Variants in KRT85 observed in about 807,000 individuals in gnomAD.
The protein encoded by KRT85 is keratin 85.
In KRT85, 39 loss-of-function variants were observed where a neutral mutation model predicts 53.7. The observed-to-expected ratio is 0.73, with a 90% CI of 0.56 to 0.95. The LOEUF is 0.95. KRT85 is among the 40% of genes least tolerant of loss of function. The pLI is 0.00. For synonymous variants in KRT85, 291 were observed against 277.5 expected, an observed-to-expected ratio of 1.05 and a Z score of -0.48; for missense variants, 668 against 686.0, an observed-to-expected ratio of 0.97 and a Z score of 0.29.
At position 52,363,172 on chromosome 12, in the gene KRT85, G is replaced by A. The variant is rs1263502144; in HGVS notation, c.951+74C>T. ...CATGGGTCAGAATCCCCAGGCAAGA[G>A]AAATCTTTTCTAATAGATGCCTAAC... On this transcript the variant is annotated intron_variant, in intron 5 of 8. Transcript: ENST00000257901. 18 of 1,596,278 alleles carry A rather than the reference G, an allele frequency of 1.1e-5. No individual in the cohort carries two copies. The Admixed American group carries it at 3.1e-4, about 27-fold the overall frequency.
At chr12:52,364,018 T>G (rs1434249437) in intron 4 of KRT85, 50 bp downstream of exon 4, 3 of 1,435,256 alleles carry the variant, frequency 2.1e-6, no homozygotes, top group African/African-American at 2.8e-5. Context: ...CTCCCCTGTC[T>G]CCAAAACACC....
chr12:52,365,262 T>A (rs1331422496), intron 1 of KRT85, 92 bp from the exon 2 acceptor site: 3 of 1,354,852 alleles, frequency 2.2e-6, no homozygotes, highest in South Asian at 1.2e-5. Flanking sequence ...GCTGGCTGAA[T>A]GGGCTGAGCC....
intron 7 of KRT85, 83 bp from the exon 8 acceptor site, chr12:52,361,581 C>A: frequency 1.5e-6 from 2 of 1,294,362 alleles, no homozygotes; most frequent in South Asian, 2.4e-5. Context: ...CAGAGAGGGT[C>A]ATCCTGTGTA....
chr12:52,363,083 C>T, intron 5 of KRT85, 104 bp from the exon 6 acceptor site: 2 of 1,579,966 alleles, frequency 1.3e-6, no homozygotes, highest in Non-Finnish European at 1.7e-6. Flanking sequence ...CCTGTGCAAC[C>T]ACACATGGCA....
rs1302834320 is a variant in KRT85 at position 52,362,424 on chromosome 12, C to T, written c.1125G>A (p.Glu375=). ...TGCAGCGGGCATCGCTGAGGGCCGC[C>T]TCACCCTGCTGCTCTGCCTCAGCCA... is the stretch of plus-strand genomic sequence containing the variant. ...AAVAEAEQQG[E]AALSDARCKL... is the part of the protein sequence containing the mutation. The change falls in exon 7 of 9, where the codon GAG becomes GAA. Residue 375 remains glutamate (E), a synonymous_variant. Coordinates refer to ENST00000257901, the MANE Select transcript of KRT85 (RefSeq NM_002283.4). The T allele has an allele frequency of 3.1e-6, 5 of 1,614,144 alleles. No individual in the cohort carries two copies. Among genetic ancestry groups the T allele is most frequent in the Non-Finnish European group, 3.4e-6 (4 of 1,180,016 alleles).
intron 4 of KRT85, 114 bp from the exon 5 acceptor site, chr12:52,363,524 G>T: frequency 1.7e-6 from 2 of 1,143,394 alleles, no homozygotes; most frequent in South Asian, 1.3e-5. Context: ...AAGGTTACAT[G>T]ACTCCTGCTC....
In KRT85 at chr12:52,363,245, C is replaced by A; in HGVS notation, c.951+1G>T. The stretch of plus-strand genomic sequence containing the variant: ...GCAGGCAGGTGTCCTGTGCCACTCA[C>A]CTTGCTACGGTACCAGGACTCAGCC... On this transcript the variant is annotated splice_donor_variant, in intron 5 of 8. Transcript: ENST00000257901. LOFTEE classifies it high-confidence loss of function. 3 of 1,614,216 alleles carry A rather than the reference C, an allele frequency of 1.9e-6. No homozygotes were observed. In the South Asian group the frequency reaches 3.3e-5, roughly 18 times the overall value.
At chr12:52,364,930 T>TC in intron 2 of KRT85, 32 bp downstream of exon 2, 1 of 1,612,134 alleles carries the variant, frequency 6.2e-7, no homozygotes, top group South Asian at 1.1e-5. Context: ...TCTCTGAGTT[T>TC]CCCCTGAGTC....
At chr12:52,366,759 CAT>C (rs949995969) in intron 1 of KRT85, among the ~76,000 whole-genome samples, 2 of 152,202 alleles carry the variant, frequency 1.3e-5, no homozygotes, top group African/African-American at 4.8e-5. Flanking sequence ...CACACACACA[CAT>C]GCACACACTT....
At chr12:52,366,483 C>A (rs914464887) in intron 1 of KRT85, among the ~76,000 whole-genome samples, 12 of 152,216 alleles carry the variant, frequency 7.9e-5, no homozygotes, top group Admixed American at 3.9e-4. Flanking sequence ...AGCCCCTTCA[C>A]GGGCTGCCTG....
In KRT85 at chr12:52,364,948, C is replaced by T. The variant is rs1278329282; in HGVS notation, c.629+14G>A. 2.5e-6 allele frequency: 4 copies of T among 1,612,250 alleles called. No homozygotes were observed. The highest frequency in any genetic ancestry group is 3.4e-6 in the Non-Finnish European group (4 of 1,179,902). On this transcript the variant is annotated intron_variant, in intron 2 of 8. Coordinates refer to ENST00000257901, the MANE Select transcript of KRT85 (RefSeq NM_002283.4). ...CTGAGTTTCCCCTGAGTCCCCCCAGCTTGCTGCACTCACTTCTTCTTGTAG... is the reference window on the plus strand; with the variant it reads ...CTGAGTTTCCCCTGAGTCCCCCCAGTTTGCTGCACTCACTTCTTCTTGTAG...
rs61731778 is a variant in KRT85, at chr12:52,363,273, G to T, written c.924C>A (p.Ala308=). The change falls in exon 5 of 9, where the codon GCC becomes GCA. Residue 308 remains alanine (A), a synonymous_variant. Coordinates refer to ENST00000257901, the MANE Select transcript of KRT85 (RefSeq NM_002283.4). ...QYDDVASRSR[A]EAESWYRSKC... ...TGCTACGGTACCAGGACTCAGCCTC[G>T]GCCCGGCTGCGGCTGGCAACATCGT... is the stretch of plus-strand genomic sequence containing the variant. 5.6e-4 allele frequency: 904 copies of T among 1,614,152 alleles called. 3 individuals carry two copies. The African/African-American group carries it at 0.011, about 19-fold the overall frequency.
chr12:52,364,440 C>T, intron 2 of KRT85, 74 bp from the exon 3 acceptor site: 1 of 1,613,324 alleles, frequency 6.2e-7, no homozygotes, highest in Middle Eastern at 1.6e-4. Flanking sequence ...TGGGCAAGTT[C>T]TTCCGGGGAT....
At chr12:52,363,808 C>T (rs1939231083) in intron 4 of KRT85, among the ~76,000 whole-genome samples, 1 of 152,312 alleles carries the variant, frequency 6.6e-6, no homozygotes, top group Middle Eastern at 3.4e-3. Flanking sequence ...TAGACTGGCA[C>T]TCACACAGGC....
chr12:52,363,831 T>C (rs571713967), intron 4 of KRT85, among the ~76,000 whole-genome samples: 1 of 152,136 alleles, frequency 6.6e-6, no homozygotes, highest in African/African-American at 2.4e-5. Flanking sequence ...CACACCAACA[T>C]GCAGAGAGGT....
At position 52,362,412 on chromosome 12, in the gene KRT85, G is replaced by A. The variant is rs540080340; in HGVS notation, c.1137C>T (p.Ser379=). The A allele has an allele frequency of 2.6e-5, 42 of 1,614,136 alleles. No individual in the cohort carries two copies. The highest frequency in any genetic ancestry group is 1.7e-4 in the Middle Eastern group (1 of 6,060). ...GCTCAGCCAGCTTGCAGCGGGCATCGCTGAGGGCCGCCTCACCCTGCTGCT... is the reference window on the plus strand; with the variant it reads ...GCTCAGCCAGCTTGCAGCGGGCATCACTGAGGGCCGCCTCACCCTGCTGCT... ...EAEQQGEAAL[S]DARCKLAELE... The change falls in exon 7 of 9, where the codon AGC becomes AGT. Residue 379 remains serine, a synonymous_variant. Coordinates refer to ENST00000257901, the MANE Select transcript of KRT85 (RefSeq NM_002283.4).
Position 52,367,309 on chromosome 12 carries a change from AG to A in KRT85, c.96del (p.Cys33AlafsTer16). On this transcript the variant is annotated frameshift_variant, in exon 1 of 9. Transcript: ENST00000257901. LOFTEE classifies it high-confidence loss of function. ...SAVAPKTGNR[C>X]CISAAPYRGV... ...CCTCGGTAGGGGGCGGCGCTGATGC[AG>A]CAGCGGTTGCCAGTTTTGGGGGCCA... 1 of 1,613,854 alleles carries A rather than the reference AG, an allele frequency of 6.2e-7. No individual in the cohort carries two copies. The highest frequency in any genetic ancestry group is 1.7e-5 in the Admixed American group (1 of 60,018).
In KRT85 at chr12:52,366,978, T is replaced by G; in HGVS notation, c.420+8A>C. ...AGGCTTCTCTGGGCCGTCTCAGGCCTCACCCACCTTGTCGATGAAGGCCGC... is the reference window on the plus strand; with the variant it reads ...AGGCTTCTCTGGGCCGTCTCAGGCCGCACCCACCTTGTCGATGAAGGCCGC... On this transcript the variant is annotated splice_region_variant and intron_variant, in intron 1 of 8. Transcript: ENST00000257901. The G allele has an allele frequency of 6.2e-7, 1 of 1,614,010 alleles. No homozygotes were observed. The highest frequency in any genetic ancestry group is 8.5e-7 in the Non-Finnish European group (1 of 1,179,874).
chr12:52,360,691 G>T lies in KRT85; in HGVS notation c.*162C>A. The T allele has an allele frequency of 1.3e-6, 1 of 761,650 alleles. No individual in the cohort carries two copies. The highest frequency in any genetic ancestry group is 2.2e-6 in the Non-Finnish European group (1 of 453,678). The allele number at this position is 761,650 out of a possible 1,614,324, so 47.2% of individuals were successfully genotyped here. A position where few individuals can be genotyped will look rare whatever the true frequency, so the allele number is the denominator to read the frequency against. ...ATGCATCTCCCTAGCATGAAAAGGC[G>T]CAGGGGAGCGGCCCGAGGGTCTTTC... is the stretch of plus-strand genomic sequence containing the variant. On this transcript the variant is annotated 3_prime_UTR_variant, in exon 9 of 9. Transcript: ENST00000257901.
Sources: allele counts gnomAD v4.1 joint callset (sites outside exome capture counted in the v4.1 genomes callset), GRCh38; gene constraint gnomAD v4.1.1; transcripts MANE v1.5; gene names NCBI Gene and HGNC (gene_info 2026-07-23, HGNC 2026-07-21).